The following RBFOX1 variants were observed in gnomAD, a reference collection of about 807,000 sequenced individuals.
RBFOX1 encodes RNA binding protein fox-1 homolog 1.
In RBFOX1, 8 loss-of-function variants were observed where a neutral mutation model predicts 57.7. The observed-to-expected ratio is 0.14, with a 90% CI of 0.08 to 0.25. The LOEUF (loss-of-function observed/expected upper bound fraction) is 0.25, where lower values mean the gene tolerates loss of function less well. Among genes scored for constraint, RBFOX1 ranks in the 10% least tolerant of loss-of-function variants. RBFOX1 has a pLI of 1.00. For missense variants in RBFOX1, 611 were observed against 548.5 expected, an observed-to-expected ratio of 1.11 and a Z score of -1.14; for synonymous variants, 326 against 222.4, an observed-to-expected ratio of 1.47 and a Z score of -4.15.
intron 2 of RBFOX1, among the ~76,000 whole-genome samples, chr16:6,612,928 C>G (rs993270663): frequency 1.3e-5 from 2 of 151,156 alleles, no homozygotes; most frequent in Non-Finnish European, 2.9e-5. Flanking sequence ...GTGAAGATTA[C>G]CAAATTCAGT....
At position 7,710,686 on chromosome 16, in the gene RBFOX1, CTTT is replaced by C. The variant is rs1342207540; in HGVS notation, c.1136_1138del (p.Leu379_Ser380delinsPro). ...CCATGCTGATGATGTGGGTCTCGTT[CTTT>C]CTTCATTGCAGGCTAGTATATACCG... On this transcript the variant is annotated inframe_deletion, in exon 16 of 16. Coordinates refer to ENST00000550418, the MANE Select transcript of RBFOX1 (RefSeq NM_018723.4). 6.2e-7 allele frequency: 1 copy of C among 1,613,286 alleles called. No individual in the cohort carries two copies. Among genetic ancestry groups the C allele is most frequent in the Non-Finnish European group, 8.5e-7 (1 of 1,179,604 alleles).
chr16:7,252,007 C>G (rs193025026), intron 4 of RBFOX1, among the ~76,000 whole-genome samples: 4 of 152,162 alleles, frequency 2.6e-5, no homozygotes, highest in Non-Finnish European at 1.5e-5. Context: ...AATGCAAAAG[C>G]TCTACAGTAT....
intron 2 of RBFOX1, among the ~76,000 whole-genome samples, chr16:6,505,908 AC>A (rs2096075834): frequency 6.6e-6 from 1 of 152,194 alleles, no homozygotes; most frequent in South Asian, 2.1e-4. Flanking sequence ...AGAACCTGTT[AC>A]CTAGGAGCAT....
intron 3 of RBFOX1, among the ~76,000 whole-genome samples, chr16:7,006,490 G>A (rs1449615412): frequency 6.6e-6 from 1 of 152,018 alleles, no homozygotes; most frequent in African/African-American, 2.4e-5. Context: ...GTGTCTATTG[G>A]TCAGGCTGGA....
At chr16:5,308,550 A>T (rs2063998371) in intron 1 of RBFOX1, among the ~76,000 whole-genome samples, 1 of 152,076 alleles carries the variant, frequency 6.6e-6, no homozygotes, top group Non-Finnish European at 1.5e-5. Flanking sequence ...CTCATCTCAA[A>T]CCCATGTCTC....
At chr16:6,713,660 A>G (rs2064171204) in intron 3 of RBFOX1, among the ~76,000 whole-genome samples, 1 of 152,210 alleles carries the variant, frequency 6.6e-6, no homozygotes, top group South Asian at 2.1e-4. Context: ...TTGAAGTTAC[A>G]GTTGCCCAAA....
intron 3 of RBFOX1, among the ~76,000 whole-genome samples, chr16:6,806,903 A>T (rs2086972684): frequency 7.2e-6 from 1 of 139,516 alleles, no homozygotes; most frequent in African/African-American, 2.8e-5. Context: ...GCATGATCTC[A>T]GCTCACTGCA....
At chr16:5,595,566 T>A (rs1479180539) in intron 2 of RBFOX1, among the ~76,000 whole-genome samples, 1 of 152,190 alleles carries the variant, frequency 6.6e-6, no homozygotes, top group Non-Finnish European at 1.5e-5. Context: ...AGATCTTCTC[T>A]GTACGCCTCA....
intron 3 of RBFOX1, among the ~76,000 whole-genome samples, chr16:6,935,601 A>G (rs1032345113): frequency 1.3e-5 from 2 of 152,180 alleles, no homozygotes; most frequent in African/African-American, 2.4e-5. Context: ...ACCTATCCCC[A>G]TTGTGCATGT....
chr16:5,769,020 A>G (rs1012189105), intron 3 of RBFOX1, among the ~76,000 whole-genome samples: 16 of 152,214 alleles, frequency 1.1e-4, no homozygotes, highest in African/African-American at 3.4e-4. Context: ...GTGTCAAACA[A>G]TTTTGTCAGC....
chr16:7,414,816 C>T (rs1354900427), intron 4 of RBFOX1, among the ~76,000 whole-genome samples: 2 of 152,072 alleles, frequency 1.3e-5, no homozygotes, highest in African/African-American at 2.4e-5. Context: ...TGGGGTTTTG[C>T]CATGTTAGCC....
chr16:7,271,012 G>C (rs1293717239), intron 4 of RBFOX1, among the ~76,000 whole-genome samples: 1 of 152,072 alleles, frequency 6.6e-6, no homozygotes, highest in Non-Finnish European at 1.5e-5. Flanking sequence ...GTCTTTATTA[G>C]CCCTGCTTAA....
chr16:7,640,188 GTCATAA>G (rs1235060698), intron 11 of RBFOX1, among the ~76,000 whole-genome samples: 1 of 152,162 alleles, frequency 6.6e-6, no homozygotes, highest in Non-Finnish European at 1.5e-5. Flanking sequence ...TTCTTTGGCT[GTCATAA>G]TCATAACCCA....
intron 1 of RBFOX1, among the ~76,000 whole-genome samples, chr16:6,229,536 G>A (rs980469870): frequency 1.5e-4 from 23 of 151,986 alleles, no homozygotes; most frequent in Non-Finnish European, 2.9e-5. Context: ...TTTTTGAGCC[G>A]CTCATAAAAA....
chr16:7,619,108 G>A (rs957985436), intron 10 of RBFOX1, among the ~76,000 whole-genome samples: 3 of 152,182 alleles, frequency 2.0e-5, no homozygotes, highest in South Asian at 4.2e-4. Flanking sequence ...ATTAGTTAAT[G>A]GGTTATACAT....
chr16:6,292,303 C>T (rs1343656794), intron 1 of RBFOX1, among the ~76,000 whole-genome samples: 1 of 150,494 alleles, frequency 6.6e-6, no homozygotes, highest in African/African-American at 2.4e-5. Context: ...CCAATAAAGT[C>T]CCACATCCAA....
chr16:5,626,149 G>A (rs1254272829), intron 3 of RBFOX1, among the ~76,000 whole-genome samples: 1 of 152,190 alleles, frequency 6.6e-6, no homozygotes, highest in Non-Finnish European at 1.5e-5. Flanking sequence ...CAAAGTGCTG[G>A]GATTACAGGC....
chr16:7,213,073 T>C (rs1379108695), intron 4 of RBFOX1, among the ~76,000 whole-genome samples: 3 of 152,132 alleles, frequency 2.0e-5, no homozygotes, highest in Non-Finnish European at 2.9e-5. Flanking sequence ...GAGATTGGAA[T>C]AGGTTGCCAA....
chr16:5,848,616 C>A (rs2056814189), intron 3 of RBFOX1, among the ~76,000 whole-genome samples: 1 of 152,088 alleles, frequency 6.6e-6, no homozygotes, highest in African/African-American at 2.4e-5. Context: ...GCAAGGAAGT[C>A]TTCCTACAGC....
Sources: gnomAD v4.1 joint callset for allele counts (sites outside exome capture counted in the v4.1 genomes callset) on GRCh38, gnomAD v4.1.1 for gene constraint, MANE v1.5 for transcripts, NCBI Gene and HGNC (gene_info 2026-07-23, HGNC 2026-07-21) for gene names.